ADARB2: variants seen among roughly 807,000 people sequenced by gnomAD.
ADARB2 encodes the protein inactive double-stranded RNA-specific editase B2.
ADARB2 carries 25 observed loss-of-function variants against 62.2 expected under a neutral mutation model. The observed-to-expected ratio is 0.40, with a 90% CI of 0.29 to 0.56. The LOEUF is 0.56. Among genes scored for constraint, ADARB2 ranks in the 20% least tolerant of loss-of-function variants. The pLI is 0.43. For missense variants in ADARB2, 1,071 were observed against 1,077.4 expected (o/e 0.99, Z 0.08); for synonymous variants, 572 against 500.8 (o/e 1.14, Z -1.90).
chr10:1,585,339 C>T (rs1171038464), intron 1 of ADARB2, among the ~76,000 whole-genome samples: 1 of 152,048 alleles, frequency 6.6e-6, no homozygotes, highest in African/African-American at 2.4e-5. Flanking sequence ...GGAACTGCAT[C>T]GGACAAACCT....
At chr10:1,359,048 G>C (rs1417982721) in intron 3 of ADARB2, among the ~76,000 whole-genome samples, 1 of 152,220 alleles carries the variant, frequency 6.6e-6, no homozygotes, top group Non-Finnish European at 1.5e-5. Flanking sequence ...ACTGAAGAGA[G>C]ATGTAGGTTT....
At chr10:1,678,621 C>T (rs1834498691) in intron 1 of ADARB2, among the ~76,000 whole-genome samples, 1 of 152,030 alleles carries the variant, frequency 6.6e-6, no homozygotes, top group African/African-American at 2.4e-5. Context: ...TCCCTGGAGT[C>T]CCTTTTACGG....
chr10:1,230,679 A>G (rs1328466014), intron 6 of ADARB2, among the ~76,000 whole-genome samples: 1 of 152,176 alleles, frequency 6.6e-6, no homozygotes, highest in African/African-American at 2.4e-5. Context: ...AGAGAACAGC[A>G]GGAACTTGAG....
chr10:1,464,617 T>G (rs112297501), intron 1 of ADARB2, among the ~76,000 whole-genome samples: 37 of 51,214 alleles, frequency 7.2e-4, no homozygotes, highest in African/African-American at 2.2e-3. Context: ...ACACACGCGC[T>G]GGGGGCAGTC....
chr10:1,314,471 T>C (rs1201180480), intron 3 of ADARB2, among the ~76,000 whole-genome samples: 5 of 152,154 alleles, frequency 3.3e-5, no homozygotes, highest in Admixed American at 6.5e-5. Flanking sequence ...CTCCTCCTGG[T>C]CCACCTCTTC....
chr10:1,670,114 C>T (rs1403660879), intron 1 of ADARB2, among the ~76,000 whole-genome samples: 1 of 152,202 alleles, frequency 6.6e-6, no homozygotes, highest in African/African-American at 2.4e-5. Context: ...CTCTGTGGAA[C>T]CCTACACTAA....
intron 1 of ADARB2, among the ~76,000 whole-genome samples, chr10:1,484,385 C>A (rs941881051): frequency 6.6e-6 from 1 of 152,212 alleles, no homozygotes; most frequent in Non-Finnish European, 1.5e-5. Context: ...GACAGCTGAG[C>A]GTCCCTGTGC....
At chr10:1,510,110 C>CTCTTCCTTTCTT (rs1831908759) in intron 1 of ADARB2, among the ~76,000 whole-genome samples, 1 of 106,184 alleles carries the variant, frequency 9.4e-6, no homozygotes, top group Non-Finnish European at 1.9e-5. Flanking sequence ...CTTTCTTTCT[C>CTCTTCCTTTCTT]TCTTTCTTTC....
At chr10:1,361,257 G>C (rs1296545782) in intron 3 of ADARB2, 1 of 149,840 alleles carries the variant, frequency 6.7e-6, no homozygotes, top group Non-Finnish European at 1.5e-5. Context: ...GCAAGTTTAA[G>C]CTACAGAGAG....
At chr10:1,544,722 T>C (rs1299125732) in intron 1 of ADARB2, among the ~76,000 whole-genome samples, 1 of 152,048 alleles carries the variant, frequency 6.6e-6, no homozygotes, top group Non-Finnish European at 1.5e-5. Context: ...ATGTAGCATG[T>C]AAAGTACACA....
intron 4 of ADARB2, among the ~76,000 whole-genome samples, chr10:1,268,013 T>C (rs1314049148): frequency 6.6e-6 from 1 of 152,226 alleles, no homozygotes; most frequent in African/African-American, 2.4e-5. Flanking sequence ...GGGAAGGGGC[T>C]GAGGGCTGCC....
chr10:1,478,298 G>A (rs1019555185), intron 1 of ADARB2, among the ~76,000 whole-genome samples: 1 of 152,154 alleles, frequency 6.6e-6, no homozygotes, highest in Non-Finnish European at 1.5e-5. Context: ...AGAGGGGGTG[G>A]GTCTTCTGTG....
chr10:1,569,202 C>G (rs1012600245), intron 1 of ADARB2, among the ~76,000 whole-genome samples: 5 of 151,384 alleles, frequency 3.3e-5, no homozygotes, highest in African/African-American at 1.2e-4. Flanking sequence ...GAGGCAGAGA[C>G]AGAGGCAGAG....
At chr10:1,597,655 G>T (rs1833352437) in intron 1 of ADARB2, among the ~76,000 whole-genome samples, 1 of 152,220 alleles carries the variant, frequency 6.6e-6, no homozygotes, top group Non-Finnish European at 1.5e-5. Context: ...CAAAGGGAAT[G>T]CTACTATGCT....
chr10:1,692,373 G>T (rs1039229808), intron 1 of ADARB2, among the ~76,000 whole-genome samples: 1 of 152,216 alleles, frequency 6.6e-6, no homozygotes, highest in Non-Finnish European at 1.5e-5. Flanking sequence ...AAGGTTAGCT[G>T]GGGAGGCCGT....
At chr10:1,205,255 G>C (rs1402858153) in intron 7 of ADARB2, among the ~76,000 whole-genome samples, 6 of 147,824 alleles carry the variant, frequency 4.1e-5, no homozygotes, top group African/African-American at 1.5e-4. Context: ...AGTACACGAG[G>C]GCCTTGTTGT....
intron 1 of ADARB2, among the ~76,000 whole-genome samples, chr10:1,596,844 C>A (rs574865033): frequency 2.6e-5 from 4 of 152,336 alleles, no homozygotes; most frequent in Non-Finnish European, 5.9e-5. Context: ...AGAGTGGGAG[C>A]AAGCCAGGAT....
intron 3 of ADARB2, among the ~76,000 whole-genome samples, chr10:1,344,465 A>G (rs893063388): frequency 1.1e-3 from 174 of 152,340 alleles, no homozygotes; most frequent in African/African-American, 4.0e-3. Context: ...AGTTACACTT[A>G]CAGAGGGAAG....
At position 1,556,643 on chromosome 10, in the gene ADARB2, T is replaced by C. The variant is rs1261323749; in HGVS notation, c.101-177483A>G. 9.4e-6 allele frequency: 5 copies of C among 532,412 alleles called. No homozygotes were observed. In the East Asian group the frequency reaches 2.7e-4, roughly 29 times the overall value. 33.0% of individuals were successfully genotyped at this position (532,412 alleles called of 1,614,324 possible). On this transcript the variant is annotated intron_variant, in intron 1 of 9. Coordinates refer to ENST00000381312, the MANE Select transcript of ADARB2 (RefSeq NM_018702.4). Reference sequence around the variant, plus strand: ...GGATGCCCTGATGTCTGTTCTCACATCACATTGCGCTCCAAGTACCCCGGC... The same window carrying C: ...GGATGCCCTGATGTCTGTTCTCACACCACATTGCGCTCCAAGTACCCCGGC...
Sources: gnomAD v4.1 joint callset for allele counts (sites outside exome capture counted in the v4.1 genomes callset) on GRCh38, gnomAD v4.1.1 for gene constraint, MANE v1.5 for transcripts, NCBI Gene and HGNC (gene_info 2026-07-23, HGNC 2026-07-21) for gene names.